The following CTNNA2 variants were observed in gnomAD, a reference collection of about 807,000 sequenced individuals.
The protein encoded by CTNNA2 is catenin alpha-2.
CTNNA2 carries 42 observed loss-of-function variants against 101.0 expected under a neutral mutation model. That is an observed-to-expected ratio of 0.42 (90% CI 0.32 to 0.54). The LOEUF (loss-of-function observed/expected upper bound fraction) is 0.54, where lower values mean the gene tolerates loss of function less well. Among genes scored for constraint, CTNNA2 ranks in the 20% least tolerant of loss-of-function variants. The pLI is 0.14. For missense variants in CTNNA2, 871 were observed against 1,223.1 expected, an observed-to-expected ratio of 0.71 and a Z score of 4.29; for synonymous variants, 450 against 456.4, an observed-to-expected ratio of 0.99 and a Z score of 0.18.
chr2:80,481,294 C>T (rs1335907112), intron 9 of CTNNA2, among the ~76,000 whole-genome samples: 1 of 152,004 alleles, frequency 6.6e-6, no homozygotes, highest in African/African-American at 2.4e-5. Context: ...TATGTCTGTT[C>T]TCATTTCTTT....
chr2:80,542,388 T>C (rs1354550394), intron 9 of CTNNA2, among the ~76,000 whole-genome samples: 1 of 152,154 alleles, frequency 6.6e-6, no homozygotes, highest in Non-Finnish European at 1.5e-5. Flanking sequence ...CTTTTCCTCT[T>C]GAATTTTCTG....
intron 2 of CTNNA2, among the ~76,000 whole-genome samples, chr2:79,266,216 T>C (rs1279165669): frequency 1.3e-5 from 2 of 152,158 alleles, no homozygotes; most frequent in African/African-American, 4.8e-5. Context: ...ACAGCCTGCT[T>C]TGACCACCTT....
chr2:80,481,895 G>A (rs1239301497), intron 9 of CTNNA2, among the ~76,000 whole-genome samples: 1 of 152,044 alleles, frequency 6.6e-6, no homozygotes, highest in Non-Finnish European at 1.5e-5. Context: ...AGGTAAACAA[G>A]TGTCTACTTG....
intron 7 of CTNNA2, among the ~76,000 whole-genome samples, chr2:80,112,656 T>C (rs1188431283): frequency 1.3e-5 from 2 of 152,214 alleles, no homozygotes; most frequent in Non-Finnish European, 1.5e-5. Context: ...CAAGTTTCTC[T>C]CTGTTAGAAG....
intron 7 of CTNNA2, among the ~76,000 whole-genome samples, chr2:79,986,837 C>T (rs1327890390): frequency 6.6e-6 from 1 of 152,170 alleles, no homozygotes. Flanking sequence ...AACTGCTTCT[C>T]AAAGAAGCTA....
intron 18 of CTNNA2, among the ~76,000 whole-genome samples, chr2:80,647,278 T>A (rs1040890241): frequency 2.0e-5 from 3 of 152,022 alleles, no homozygotes; most frequent in African/African-American, 7.2e-5. Context: ...TTTTCTTTAG[T>A]GTCTGCCAAA....
chr2:80,479,012 G>GTTT (rs140189180), intron 9 of CTNNA2, among the ~76,000 whole-genome samples: 17 of 148,050 alleles, frequency 1.1e-4, no homozygotes, highest in Admixed American at 2.0e-4. Flanking sequence ...ATGAGCATGG[G>GTTT]TTTTTTTTTT....
intron 3 of CTNNA2, among the ~76,000 whole-genome samples, chr2:79,759,189 C>T (rs1019304878): frequency 7.9e-5 from 12 of 152,016 alleles, no homozygotes; most frequent in South Asian, 2.1e-4. Flanking sequence ...TGAAAAGCCA[C>T]GAGACCAGCC....
intron 11 of CTNNA2, among the ~76,000 whole-genome samples, chr2:80,555,479 C>A (rs372184155): frequency 6.6e-6 from 1 of 152,196 alleles, no homozygotes; most frequent in Non-Finnish European, 1.5e-5. Flanking sequence ...TGGCACCTAG[C>A]GATCTATGTG....
intron 4 of CTNNA2, among the ~76,000 whole-genome samples, chr2:79,484,232 C>T (rs1016371291): frequency 2.6e-5 from 4 of 151,842 alleles, no homozygotes; most frequent in African/African-American, 4.8e-5. Flanking sequence ...CAGAGTAAGA[C>T]CCTGTCACAA....
In CTNNA2 at chr2:79,724,718, G is replaced by A. The variant is rs150269452; in HGVS notation, c.103-19669G>A. 4.6e-4 allele frequency among the ~76,000 whole-genome samples: 70 copies of A among 150,578 alleles called. No individual in the cohort carries two copies. In the East Asian group the frequency reaches 0.013, roughly 28 times the overall value. On this transcript the variant is annotated intron_variant, in intron 2 of 18. Transcript: ENST00000402739. ...TAGTCCCAGCTACTTTGGAGGCTGAGGCAGGAGAATGGCGTGAACCTGGGA... is the reference window on the plus strand; with the variant it reads ...TAGTCCCAGCTACTTTGGAGGCTGAAGCAGGAGAATGGCGTGAACCTGGGA...
intron 3 of CTNNA2, among the ~76,000 whole-genome samples, chr2:79,772,873 G>T (rs1172717847): frequency 6.6e-6 from 1 of 152,154 alleles, no homozygotes; most frequent in Non-Finnish European, 1.5e-5. Context: ...CACCATATTA[G>T]ATCATCAGTA....
At chr2:79,295,500 T>G (rs1327327729) in intron 2 of CTNNA2, among the ~76,000 whole-genome samples, 3 of 152,102 alleles carry the variant, frequency 2.0e-5, no homozygotes, top group African/African-American at 7.2e-5. Context: ...CTTTTCTTTT[T>G]TTTCTTTTTC....
rs547901034 is a variant in CTNNA2 at position 79,647,970 on chromosome 2, TA to T, written c.-5-3580del. On this transcript the variant is annotated intron_variant, in intron 1 of 18. Coordinates refer to ENST00000402739, the MANE Select transcript of CTNNA2 (RefSeq NM_001282597.3). ...AGCACAGAGGAGAAGCCCAATTAAGTAAGCACATTCCAAATGTCTACTCACG... is the reference window on the plus strand; with the variant it reads ...AGCACAGAGGAGAAGCCCAATTAAGTAGCACATTCCAAATGTCTACTCACG... 1.5e-3 allele frequency among the ~76,000 whole-genome samples: 227 copies of T among 152,312 alleles called. 1 individual carries two copies. The South Asian group carries it at 0.031, about 21-fold the overall frequency.
intron 9 of CTNNA2, among the ~76,000 whole-genome samples, chr2:80,524,049 T>C (rs1689813529): frequency 6.6e-6 from 1 of 152,118 alleles, no homozygotes; most frequent in Admixed American, 6.5e-5. Flanking sequence ...TGTGTAGTCC[T>C]GACAAAAGCA....
chr2:80,052,354 A>G (rs1696928760), intron 7 of CTNNA2, among the ~76,000 whole-genome samples: 1 of 152,212 alleles, frequency 6.6e-6, no homozygotes, highest in Non-Finnish European at 1.5e-5. Context: ...GCCCAGCCAC[A>G]TGCACATATA....
At chr2:79,419,635 T>A (rs11126725) in intron 4 of CTNNA2, among the ~76,000 whole-genome samples, 41,936 of 152,058 alleles carry the variant, frequency 0.28, 5,974 homozygotes, top group South Asian at 0.44. Flanking sequence ...ATTAATGTTC[T>A]ACAGAGCAAT....
intron 1 of CTNNA2, among the ~76,000 whole-genome samples, chr2:79,195,210 C>G (rs894875046): frequency 2.6e-5 from 4 of 152,210 alleles, no homozygotes; most frequent in African/African-American, 9.6e-5. Context: ...TGCTAAGCCT[C>G]TTTCACATCA....
At chr2:80,119,436 A>G (rs1242342286) in intron 7 of CTNNA2, among the ~76,000 whole-genome samples, 1 of 152,208 alleles carries the variant, frequency 6.6e-6, no homozygotes, top group African/African-American at 2.4e-5. Context: ...TGCAAGGACT[A>G]GATAATGGTT....
Sources: allele counts gnomAD v4.1 joint callset (sites outside exome capture counted in the v4.1 genomes callset), GRCh38; gene constraint gnomAD v4.1.1; transcripts MANE v1.5; gene names NCBI Gene and HGNC (gene_info 2026-07-23, HGNC 2026-07-21).